Variants in QNG1 observed in about 807,000 individuals in gnomAD.
The protein encoded by QNG1 is Q-nucleotide N-glycosylase 1.
At chr9:83,951,003 C>A in the QNG1 span, among the ~76,000 whole-genome samples, 6 of 152,200 alleles carry the variant, frequency 3.9e-5, no homozygotes, top group African/African-American at 1.4e-4. Flanking sequence ...TGCGGTAGCT[C>A]ATGCCTGTAA....
the QNG1 span, chr9:83,956,048 A>G: frequency 1.0e-6 from 1 of 983,404 alleles, no homozygotes; most frequent in Non-Finnish European, 1.5e-6. Flanking sequence ...AACGAACTTC[A>G]GGTTCGCTTT....
chr9:83,952,669 C>T, the QNG1 span, among the ~76,000 whole-genome samples: 1 of 152,064 alleles, frequency 6.6e-6, no homozygotes, highest in South Asian at 2.1e-4. Context: ...GTGGCGGGCA[C>T]CTGTAGTCCC....
chr9:83,944,666 C>G, the QNG1 span: 1 of 660,838 alleles, frequency 1.5e-6, no homozygotes, highest in Non-Finnish European at 2.5e-6. Flanking sequence ...TTTGCATTTT[C>G]CTTTTTACAT....
the QNG1 span, among the ~76,000 whole-genome samples, chr9:83,945,967 T>G: frequency 6.6e-6 from 1 of 152,056 alleles, no homozygotes; most frequent in African/African-American, 2.4e-5. Context: ...TTAAAACACG[T>G]CTGTTTTTCT....
the QNG1 span, among the ~76,000 whole-genome samples, chr9:83,953,999 A>G: frequency 6.6e-6 from 1 of 151,898 alleles, no homozygotes; most frequent in East Asian, 1.9e-4. Context: ...GGTTCAAGCG[A>G]TTCTCCTGCC....
chr9:83,955,381 C>G, the QNG1 span: 1 of 1,612,692 alleles, frequency 6.2e-7, no homozygotes. Context: ...AGCAACTCAC[C>G]TCAAACAGAG....
chr9:83,955,081 C>G, the QNG1 span, among the ~76,000 whole-genome samples: 1 of 151,552 alleles, frequency 6.6e-6, no homozygotes, highest in Admixed American at 6.6e-5. Flanking sequence ...TCCCTGTAAT[C>G]CAAGCTACTC....
chr9:83,942,620 T>C, the QNG1 span, among the ~76,000 whole-genome samples: 5 of 152,370 alleles, frequency 3.3e-5, no homozygotes, highest in South Asian at 1.0e-3. Flanking sequence ...TTTTTAAAAA[T>C]GAGTACACTA....
the QNG1 span, chr9:83,956,587 G>T: frequency 8.8e-7 from 1 of 1,141,640 alleles, no homozygotes; most frequent in Non-Finnish European, 1.2e-6. Context: ...TACGAACCGC[G>T]CGATCACAGG....
At chr9:83,951,871 T>C in the QNG1 span, among the ~76,000 whole-genome samples, 16 of 152,210 alleles carry the variant, frequency 1.1e-4, no homozygotes, top group African/African-American at 3.6e-4. Flanking sequence ...CTGATCTAAA[T>C]CTATCTAAAT....
chr9:83,940,257 T>C, the QNG1 span, among the ~76,000 whole-genome samples: 21 of 152,034 alleles, frequency 1.4e-4, no homozygotes, highest in African/African-American at 4.8e-4. Flanking sequence ...ATACAAAAAT[T>C]AGCCAGGCAT....
At chr9:83,944,890 T>G in the QNG1 span, 1 of 1,613,930 alleles carries the variant, frequency 6.2e-7, no homozygotes, top group Non-Finnish European at 8.5e-7. Context: ...ATGGTGATAC[T>G]GGAGATGTCC....
the QNG1 span, among the ~76,000 whole-genome samples, chr9:83,948,788 C>G: frequency 1.3e-5 from 2 of 152,210 alleles, no homozygotes. Flanking sequence ...AATCTATAAA[C>G]TTACCCCCAA....
At chr9:83,956,325 G>A in the QNG1 span, 6 of 1,613,782 alleles carry the variant, frequency 3.7e-6, no homozygotes, top group East Asian at 2.2e-5. Flanking sequence ...CTCGTCGGCC[G>A]CCCTGGGGTT....
chr9:83,939,691 C>A, the QNG1 span: 2 of 1,614,148 alleles, frequency 1.2e-6, no homozygotes, highest in East Asian at 2.2e-5. Context: ...CACACCAAAG[C>A]GAGCACCCTC....
At chr9:83,955,019 G>A in the QNG1 span, among the ~76,000 whole-genome samples, 3 of 151,524 alleles carry the variant, frequency 2.0e-5, no homozygotes, top group East Asian at 5.9e-4. Flanking sequence ...CCAACATAGT[G>A]AAACCCCGTC....
chr9:83,951,197 G>T, the QNG1 span, among the ~76,000 whole-genome samples: 1 of 152,162 alleles, frequency 6.6e-6, no homozygotes. Context: ...TTCAACTTGG[G>T]AGGCGGAGGT....
At chr9:83,948,347 C>CA in the QNG1 span, among the ~76,000 whole-genome samples, 1 of 109,212 alleles carries the variant, frequency 9.2e-6, no homozygotes, top group African/African-American at 2.7e-5. Flanking sequence ...TGAGGAGGGT[C>CA]TCCGCCCGGC....
the QNG1 span, among the ~76,000 whole-genome samples, chr9:83,951,332 G>A: frequency 1.8e-4 from 28 of 152,266 alleles, no homozygotes; most frequent in Middle Eastern, 6.8e-3. Context: ...AGGCCAAGGC[G>A]GGTGGATCAC....
Sources: gnomAD v4.1 joint callset for allele counts (sites outside exome capture counted in the v4.1 genomes callset) on GRCh38, gnomAD v4.1.1 for gene constraint, MANE v1.5 for transcripts, NCBI Gene and HGNC (gene_info 2026-07-23, HGNC 2026-07-21) for gene names.